The following CTNND2 variants were observed in gnomAD, a reference collection of about 807,000 sequenced individuals.
CTNND2 encodes catenin delta-2.
CTNND2 carries 22 observed loss-of-function variants against 144.4 expected under a neutral mutation model. That is an observed-to-expected ratio of 0.15 (90% CI 0.11 to 0.22). The LOEUF is 0.22. Ranked by LOEUF, CTNND2 falls within the 10% of genes least tolerant of loss-of-function variation. The pLI, the probability that CTNND2 is intolerant of heterozygous loss-of-function variation, is 1.00. For missense variants in CTNND2, 1,353 were observed against 1,618.8 expected (o/e 0.84, Z 2.82); for synonymous variants, 751 against 695.6 (o/e 1.08, Z -1.25).
In CTNND2 at chr5:11,072,900, C is replaced by T. The variant is rs537364135; in HGVS notation, c.2788+9796G>A. 2.2e-3 allele frequency among the ~76,000 whole-genome samples: 330 copies of T among 152,366 alleles called. 2 individuals are homozygous for T. Among genetic ancestry groups the T allele is most frequent in the African/African-American group, 7.7e-3 (319 of 41,598 alleles). On this transcript the variant is annotated intron_variant, in intron 16 of 21. Coordinates refer to ENST00000304623, the MANE Select transcript of CTNND2 (RefSeq NM_001332.4). ...AGGCTGGCTGTCCCCTCCCTGCTGT[C>T]TGCCTCCTTCTCTTCTAACTGCCTT...
chr5:11,275,745 G>C (rs1417938382), intron 9 of CTNND2, among the ~76,000 whole-genome samples: 1 of 152,220 alleles, frequency 6.6e-6, no homozygotes, highest in African/African-American at 2.4e-5. Flanking sequence ...GAAACAGCTA[G>C]AATTAAAGTT....
chr5:11,903,754 AGGAGGAGGACGGCGCCG>A lies in CTNND2; in HGVS notation c.37+46_37+62del. The A allele has an allele frequency of 4.9e-6, 7 of 1,440,116 alleles. No individual in the cohort carries two copies. Among genetic ancestry groups the A allele is most frequent in the Non-Finnish European group, 6.4e-6 (7 of 1,091,868 alleles). The allele number at this position is 1,440,116 out of a possible 1,614,324, so 89.2% of individuals were successfully genotyped here. On this transcript the variant is annotated intron_variant, in intron 1 of 21. Transcript: ENST00000304623. The surrounding 1 kb of genome is among the most constrained non-coding windows in gnomAD (Gnocchi z 5.4). Reference sequence around the variant, plus strand: ...CAGGACCACCCCCACCAGCGGCAAGAGGAGGAGGACGGCGCCGGGAGGAGGCTGCGCCCGGCCCCGGC... The same window carrying A: ...CAGGACCACCCCCACCAGCGGCAAGAGGAGGAGGCTGCGCCCGGCCCCGGC...
At chr5:11,754,733 T>C (rs969062220) in intron 1 of CTNND2, among the ~76,000 whole-genome samples, 3 of 151,780 alleles carry the variant, frequency 2.0e-5, no homozygotes, top group East Asian at 3.9e-4. Flanking sequence ...GTTTTGATTG[T>C]TGTTGGTTTA....
At chr5:11,845,484 T>C (rs1489470569) in intron 1 of CTNND2, among the ~76,000 whole-genome samples, 4 of 152,122 alleles carry the variant, frequency 2.6e-5, no homozygotes. Context: ...ATATGACTAG[T>C]GTCCTTAAGA....
At chr5:10,975,432 A>G (rs1033713131) in intron 21 of CTNND2, among the ~76,000 whole-genome samples, 2 of 152,156 alleles carry the variant, frequency 1.3e-5, no homozygotes, top group Non-Finnish European at 2.9e-5. Flanking sequence ...ATAATCTATC[A>G]TCTGTCTGTC....
intron 3 of CTNND2, among the ~76,000 whole-genome samples, chr5:11,432,121 CTTTTTTTT>C (rs5865940): frequency 1.3e-5 from 1 of 78,384 alleles, no homozygotes; most frequent in Non-Finnish European, 2.8e-5. Context: ...GAGGTTGAGG[CTTTTTTTT>C]TTTTTTTTTT....
rs551876770 is a variant in CTNND2 at position 11,038,532 on chromosome 5, C to T, written c.2789-15553G>A. 1.2e-3 allele frequency among the ~76,000 whole-genome samples: 177 copies of T among 152,272 alleles called. 1 individual carries two copies. Among genetic ancestry groups the T allele is most frequent in the African/African-American group, 3.5e-3 (147 of 41,550 alleles). ...CCCTGCTGCCACAAAGGTTGGGGAA[C>T]GTTGGCTTAGGGAATCCCAACTCTA... On this transcript the variant is annotated intron_variant, in intron 16 of 21. Transcript: ENST00000304623.
At position 11,799,179 on chromosome 5, in the gene CTNND2, G is replaced by A. The variant is rs376936936; in HGVS notation, c.38-66907C>T. Among the ~76,000 whole-genome samples, 44 of 152,088 alleles carry A rather than the reference G, an allele frequency of 2.9e-4. 2 individuals carry two copies. In the South Asian group the frequency reaches 8.9e-3, roughly 31 times the overall value. ...GTCTTAAATCATCCATCACATATTT[G>A]TTCATCGTTTTAAAACCTTTCTACA... On this transcript the variant is annotated intron_variant, in intron 1 of 21. Coordinates refer to ENST00000304623, the MANE Select transcript of CTNND2 (RefSeq NM_001332.4).
At chr5:11,284,900 A>G (rs1747567463) in intron 9 of CTNND2, among the ~76,000 whole-genome samples, 1 of 152,180 alleles carries the variant, frequency 6.6e-6, no homozygotes, top group Non-Finnish European at 1.5e-5. Context: ...GCTGAGTGAT[A>G]GCAGAAACCA....
rs574014767 is a variant in CTNND2, at chr5:11,670,650, A to G, written c.174+61486T>C. Among the ~76,000 whole-genome samples, 3 of 150,166 alleles carry G rather than the reference A, an allele frequency of 2.0e-5. No individual in the cohort carries two copies. The South Asian group carries it at 6.3e-4, about 31-fold the overall frequency. On this transcript the variant is annotated intron_variant, in intron 2 of 21. Coordinates refer to ENST00000304623, the MANE Select transcript of CTNND2 (RefSeq NM_001332.4). ...TTTATTTTGAACCTTCCATCCCTTT[A>G]TTTTGAACCTATGTGTGTCTTTCCA...
intron 12 of CTNND2, among the ~76,000 whole-genome samples, chr5:11,125,146 A>G (rs1754550466): frequency 6.6e-6 from 1 of 152,110 alleles, no homozygotes; most frequent in Non-Finnish European, 1.5e-5. Flanking sequence ...GTGGGGAAGG[A>G]AGGGGTGTCT....
intron 5 of CTNND2, among the ~76,000 whole-genome samples, chr5:11,408,999 CTTT>C (rs1761308227): frequency 6.6e-6 from 1 of 151,972 alleles, no homozygotes; most frequent in Non-Finnish European, 1.5e-5. Context: ...TTATTTACCT[CTTT>C]TAAGATTTTC....
intron 3 of CTNND2, among the ~76,000 whole-genome samples, chr5:11,489,703 T>A (rs998235190): frequency 6.6e-6 from 1 of 152,182 alleles, no homozygotes; most frequent in Admixed American, 6.5e-5. Flanking sequence ...AACATTTACA[T>A]TCACATAAAT....
At chr5:11,716,300 T>C (rs1581765654) in intron 2 of CTNND2, among the ~76,000 whole-genome samples, 1 of 152,224 alleles carries the variant, frequency 6.6e-6, no homozygotes, top group Non-Finnish European at 1.5e-5. Context: ...CTTAATTAAA[T>C]AGTTTAAATA....
chr5:11,629,439 C>T (rs2126461240), intron 2 of CTNND2, among the ~76,000 whole-genome samples: 1 of 152,246 alleles, frequency 6.6e-6, no homozygotes, highest in South Asian at 2.1e-4. Flanking sequence ...TTCTCCAGGT[C>T]ACTAAAAGTG....
intron 9 of CTNND2, among the ~76,000 whole-genome samples, chr5:11,326,290 T>C (rs1554033109): frequency 6.6e-6 from 1 of 152,226 alleles, no homozygotes; most frequent in Non-Finnish European, 1.5e-5. Flanking sequence ...CTTTGGTTTT[T>C]ATAGATGCAA....
intron 7 of CTNND2, among the ~76,000 whole-genome samples, chr5:11,368,975 C>T (rs541547260): frequency 3.4e-4 from 52 of 152,308 alleles, no homozygotes; most frequent in African/African-American, 1.1e-3. Context: ...TAAATTATGT[C>T]ACCTCATGCA....
At chr5:11,357,108 A>T (rs1755970253) in intron 8 of CTNND2, among the ~76,000 whole-genome samples, 1 of 152,088 alleles carries the variant, frequency 6.6e-6, no homozygotes. Flanking sequence ...CATTATGGAA[A>T]ACAATATGTT....
intron 1 of CTNND2, among the ~76,000 whole-genome samples, chr5:11,777,047 A>G (rs1417270914): frequency 6.6e-6 from 1 of 152,254 alleles, no homozygotes; most frequent in Non-Finnish European, 1.5e-5. Flanking sequence ...GTAATTCTCA[A>G]TAAATATATA....
Sources: gnomAD v4.1 joint callset for allele counts (sites outside exome capture counted in the v4.1 genomes callset) on GRCh38, gnomAD v4.1.1 for gene constraint, Gnocchi (gnomAD v3.1) non-coding constraint, MANE v1.5 for transcripts, NCBI Gene and HGNC (gene_info 2026-07-23, HGNC 2026-07-21) for gene names.